Variants in HPSE2 observed in about 807,000 individuals in gnomAD.
HPSE2 encodes the protein heparanase 2 (inactive).
HPSE2 carries 38 observed loss-of-function variants against 60.5 expected under a neutral mutation model. The ratio of observed to expected loss-of-function variants is 0.63; its 90% confidence interval spans 0.48 to 0.82. HPSE2 has a LOEUF of 0.82. HPSE2 is among the 40% of genes least tolerant of loss of function. HPSE2 has a pLI of 0.00. For missense variants in HPSE2, 713 were observed against 740.4 expected (o/e 0.96, Z 0.43); for synonymous variants, 295 against 293.2 (o/e 1.01, Z -0.06).
At chr10:99,290,733 C>T in the HPSE2 span, among the ~76,000 whole-genome samples, 1 of 152,154 alleles carries the variant, frequency 6.6e-6, no homozygotes, top group Non-Finnish European at 1.5e-5. Context: ...AACAATTTCT[C>T]CAAGCCTCAG....
At chr10:98,544,347 T>G (rs1234303614) in intron 9 of HPSE2, among the ~76,000 whole-genome samples, 3 of 152,086 alleles carry the variant, frequency 2.0e-5, no homozygotes, top group African/African-American at 7.2e-5. Context: ...AGAGGGAAAT[T>G]TATAGCACTA....
In HPSE2 at chr10:98,789,346, T is replaced by A. The variant is rs138637139; in HGVS notation, c.611-45290A>T. ...ACAGTCGTAGTTGAAATCATAAGAA[T>A]GAGTTCCTTGAGAGGATGAATGTTG... On this transcript the variant is annotated intron_variant, in intron 3 of 11. Coordinates refer to ENST00000370552, the MANE Select transcript of HPSE2 (RefSeq NM_021828.5). 3.1e-4 allele frequency among the ~76,000 whole-genome samples: 47 copies of A among 152,290 alleles called. No homozygotes were observed. The East Asian group carries it at 8.5e-3, about 28-fold the overall frequency.
At chr10:98,696,617 T>C (rs1948227271) in intron 5 of HPSE2, among the ~76,000 whole-genome samples, 2 of 148,768 alleles carry the variant, frequency 1.3e-5, no homozygotes, top group South Asian at 2.2e-4. Context: ...ATGGAATGCG[T>C]AGATTCTCAA....
chr10:98,607,867 A>C (rs1464834082), intron 9 of HPSE2, among the ~76,000 whole-genome samples: 1 of 152,208 alleles, frequency 6.6e-6, no homozygotes, highest in Non-Finnish European at 1.5e-5. Context: ...TATATATTTG[A>C]TAACAAATGT....
chr10:98,524,392 A>T (rs1942896248), intron 9 of HPSE2, among the ~76,000 whole-genome samples: 1 of 152,186 alleles, frequency 6.6e-6, no homozygotes, highest in African/African-American at 2.4e-5. Context: ...ATGTGTAAGT[A>T]GGGAGTGGTG....
chr10:99,263,660 C>T, the HPSE2 span, among the ~76,000 whole-genome samples: 10 of 152,212 alleles, frequency 6.6e-5, no homozygotes, highest in Non-Finnish European at 1.2e-4. Flanking sequence ...TCATTGGTCA[C>T]TCCTATTTAC....
chr10:99,048,354 T>C (rs1401228953), intron 3 of HPSE2: 1 of 299,958 alleles, frequency 3.3e-6, no homozygotes, highest in Non-Finnish European at 6.3e-6. Context: ...AAATAGTACC[T>C]GCTCTCAAAC....
At chr10:99,303,706 C>A in the HPSE2 span, among the ~76,000 whole-genome samples, 4 of 152,154 alleles carry the variant, frequency 2.6e-5, no homozygotes, top group African/African-American at 9.7e-5. Flanking sequence ...AGGATCTCTG[C>A]TACTTGCTTA....
chr10:98,662,883 CAG>C (rs1268737298), intron 6 of HPSE2, among the ~76,000 whole-genome samples: 2 of 152,010 alleles, frequency 1.3e-5, no homozygotes, highest in African/African-American at 2.4e-5. Context: ...ATTAAACAAA[CAG>C]AGATCTATTT....
chr10:98,842,250 T>C (rs962966004), intron 3 of HPSE2, among the ~76,000 whole-genome samples: 1 of 152,214 alleles, frequency 6.6e-6, no homozygotes, highest in African/African-American at 2.4e-5. Flanking sequence ...GAAGTATATG[T>C]AGAACATCAG....
chr10:99,094,176 G>A (rs1188839702), intron 3 of HPSE2, among the ~76,000 whole-genome samples: 1 of 151,822 alleles, frequency 6.6e-6, no homozygotes, highest in Non-Finnish European at 1.5e-5. Context: ...GAGTTTGGGG[G>A]CTTTTATTTT....
At chr10:98,829,040 T>C (rs1951619814) in intron 3 of HPSE2, among the ~76,000 whole-genome samples, 2 of 152,188 alleles carry the variant, frequency 1.3e-5, no homozygotes, top group African/African-American at 4.8e-5. Flanking sequence ...TGCTACAACA[T>C]AGGTGAACCT....
chr10:98,648,401 A>G (rs942127680), intron 6 of HPSE2, among the ~76,000 whole-genome samples: 3 of 152,146 alleles, frequency 2.0e-5, no homozygotes, highest in Non-Finnish European at 4.4e-5. Context: ...ATGGCACCAG[A>G]ATTGTGGGCA....
chr10:99,112,607 T>C (rs993467125), intron 3 of HPSE2, among the ~76,000 whole-genome samples: 1 of 152,144 alleles, frequency 6.6e-6, no homozygotes, highest in African/African-American at 2.4e-5. Flanking sequence ...CTATTTCAAA[T>C]GAAGATAAAG....
intron 3 of HPSE2, among the ~76,000 whole-genome samples, chr10:98,960,734 T>A (rs1955648485): frequency 2.4e-5 from 1 of 41,806 alleles, no homozygotes; most frequent in African/African-American, 1.1e-4. Flanking sequence ...TTATTTTTTT[T>A]ATTTTATTTT....
chr10:98,845,214 G>A (rs1952006668), intron 3 of HPSE2, among the ~76,000 whole-genome samples: 1 of 152,184 alleles, frequency 6.6e-6, no homozygotes, highest in Non-Finnish European at 1.5e-5. Flanking sequence ...AACTAAGTTA[G>A]GAACATGGGG....
chr10:99,153,177 G>C (rs1411152563), intron 2 of HPSE2, among the ~76,000 whole-genome samples: 2 of 152,198 alleles, frequency 1.3e-5, no homozygotes, highest in Non-Finnish European at 2.9e-5. Flanking sequence ...GCTGGGGGAG[G>C]GGCGCCCGCC....
chr10:98,483,816 G>A (rs1286128712), intron 10 of HPSE2, among the ~76,000 whole-genome samples: 1 of 152,206 alleles, frequency 6.6e-6, no homozygotes, highest in Non-Finnish European at 1.5e-5. Flanking sequence ...CAAGTAGTGT[G>A]AATGAGAAAT....
chr10:98,914,045 T>C (rs989363016), intron 3 of HPSE2, among the ~76,000 whole-genome samples: 1 of 152,216 alleles, frequency 6.6e-6, no homozygotes, highest in Non-Finnish European at 1.5e-5. Context: ...TTGATATGGT[T>C]TGGCTGTGCC....
Sources: allele counts gnomAD v4.1 joint callset (sites outside exome capture counted in the v4.1 genomes callset), GRCh38; gene constraint gnomAD v4.1.1; transcripts MANE v1.5; gene names NCBI Gene and HGNC (gene_info 2026-07-23, HGNC 2026-07-21).